The following EXD3 variants were observed in gnomAD, a reference collection of about 807,000 sequenced individuals.
EXD3 encodes exonuclease 3'-5' domain containing 3.
In EXD3, 92 loss-of-function variants were observed where a neutral mutation model predicts 98.0. The observed-to-expected ratio is 0.94, with a 90% confidence interval of 0.79 to 1.12. EXD3 has a LOEUF of 1.12. Among genes scored for constraint, EXD3 ranks in the 50% most tolerant of loss-of-function variants. The pLI, the probability that EXD3 is intolerant of heterozygous loss-of-function variation, is 0.00. For synonymous variants in EXD3, 569 were observed against 526.0 expected (o/e 1.08, Z -1.12); for missense variants, 1,222 against 1,191.6 (o/e 1.03, Z -0.38).
intron 3 of EXD3, 90 bp downstream of exon 3, chr9:137,383,223 C>A: frequency 2.7e-6 from 3 of 1,108,440 alleles, no homozygotes; most frequent in Non-Finnish European, 2.7e-6. Flanking sequence ...AGCTTCCTGA[C>A]CAGGGAGGCC....
chr9:137,353,711 C>G (rs551546450), intron 10 of EXD3: 27 of 985,440 alleles, frequency 2.7e-5, no homozygotes, highest in Non-Finnish European at 3.3e-5. Flanking sequence ...TCTCCCTCCC[C>G]GCAAGGTCCT....
chr9:137,387,245 G>A (rs1197642946), intron 2 of EXD3, among the ~76,000 whole-genome samples: 6 of 152,102 alleles, frequency 3.9e-5, no homozygotes, highest in South Asian at 2.1e-4. Context: ...GGCAGTGACC[G>A]CCTGGGTCTC....
intron 12 of EXD3, among the ~76,000 whole-genome samples, 200 bp downstream of exon 12, chr9:137,351,866 G>C (rs1228062745): frequency 6.6e-6 from 1 of 152,208 alleles, no homozygotes; most frequent in Non-Finnish European, 1.5e-5. Context: ...GGCAGCACTG[G>C]GTAAATGCCA....
intron 5 of EXD3, among the ~76,000 whole-genome samples, chr9:137,370,152 C>A (rs1835516935): frequency 6.6e-6 from 1 of 152,106 alleles, no homozygotes; most frequent in Non-Finnish European, 1.5e-5. Context: ...CAGACCCACC[C>A]CTTCCAGGAA....
chr9:137,385,976 T>C lies in EXD3; in HGVS notation c.56-2599A>G, dbSNP rs980431989. The stretch of plus-strand genomic sequence containing the variant: ...AAAGTGGTTAAAATGGTAAATTTCA[T>C]GTTATGTATATTTCACATATTTTTA... On this transcript the variant is annotated intron_variant, in intron 2 of 21. Coordinates refer to ENST00000340951, the MANE Select transcript of EXD3 (RefSeq NM_017820.5). This position sits in a 1 kb window ranked among gnomAD's most constrained non-coding sequence, Gnocchi z 4.4. 1.3e-5 allele frequency among the ~76,000 whole-genome samples: 2 copies of C among 152,126 alleles called. No homozygotes were observed. Among genetic ancestry groups the C allele is most frequent in the Admixed American group, 6.5e-5 (1 of 15,278 alleles).
intron 3 of EXD3, among the ~76,000 whole-genome samples, chr9:137,378,627 G>C (rs1836036564): frequency 6.6e-6 from 1 of 152,264 alleles, no homozygotes; most frequent in South Asian, 2.1e-4. Context: ...AGCTGTCTAT[G>C]AAGAAACAGC....
chr9:137,381,099 C>CACACACACACAT (rs1836237801), intron 3 of EXD3: 1 of 89,316 alleles, frequency 1.1e-5, no homozygotes, highest in Non-Finnish European at 2.0e-5. Context: ...GACTCTGTCT[C>CACACACACACAT]ACACACACAC....
At chr9:137,389,844 C>T (rs559736336) in intron 2 of EXD3, among the ~76,000 whole-genome samples, 2 of 152,060 alleles carry the variant, frequency 1.3e-5, no homozygotes, top group Admixed American at 6.6e-5. Context: ...GTAACAGACC[C>T]GGCACAGTGG....
intron 17 of EXD3, among the ~76,000 whole-genome samples, chr9:137,333,744 C>T (rs1833215975): frequency 1.3e-5 from 2 of 152,186 alleles, no homozygotes; most frequent in Non-Finnish European, 2.9e-5. Flanking sequence ...GAAGCAGATG[C>T]CAGTGATACG....
intron 17 of EXD3, among the ~76,000 whole-genome samples, chr9:137,328,039 CGAA>C (rs1428113641): frequency 4.0e-5 from 4 of 99,206 alleles, no homozygotes; most frequent in South Asian, 3.5e-4. Flanking sequence ...GTAAAAACAA[CGAA>C]TAAACACCCA....
chr9:137,409,082 G>A (rs1837872497), intron 1 of EXD3, among the ~76,000 whole-genome samples: 1 of 152,228 alleles, frequency 6.6e-6, no homozygotes, highest in African/African-American at 2.4e-5. Context: ...TTCAAGGTGG[G>A]GCCTTGGGAC....
chr9:137,351,363 G>A lies in EXD3; in HGVS notation c.1339C>T (p.Arg447Trp), dbSNP rs765004634. 19 of 1,611,794 alleles carry A rather than the reference G, an allele frequency of 1.2e-5. No homozygotes were observed. Among genetic ancestry groups the A allele is most frequent in the South Asian group, 9.9e-5 (9 of 90,954 alleles). ...PTGQGAQAFS[R>W]LVAQLLSDPS... ...TCCGAGAGGAGCTGGGCCACCAGCC[G>A]GGAAAAGGCCTGGGCTCCCTGCCCT... Residue 447 changes from arginine to tryptophan, a missense_variant, in exon 13 of 22, where the codon CGG (arginine) becomes TGG (tryptophan). Physicochemically the swap from Arg to Trp is moderately radical, Grantham distance 101 (BLOSUM62 -3). Transcript: ENST00000340951.
At chr9:137,421,524 A>G (rs1838512363) in intron 1 of EXD3, among the ~76,000 whole-genome samples, 1 of 152,236 alleles carries the variant, frequency 6.6e-6, no homozygotes, top group Non-Finnish European at 1.5e-5. Flanking sequence ...AATCCTGAAC[A>G]ATCTTCTGGC....
At chr9:137,339,386 G>A (rs1020397412) in intron 17 of EXD3, among the ~76,000 whole-genome samples, 4 of 151,774 alleles carry the variant, frequency 2.6e-5, no homozygotes, top group Non-Finnish European at 5.9e-5. Context: ...AGACCAGGCC[G>A]GGTGAGGTGC....
In EXD3 at chr9:137,390,201, T is replaced by C. The variant is rs1432470122; in HGVS notation, c.55+5102A>G. Among the ~76,000 whole-genome samples, 8 of 126,450 alleles carry C rather than the reference T, an allele frequency of 6.3e-5. No individual in the cohort carries two copies. In the South Asian group the frequency reaches 9.9e-4, roughly 16 times the overall value. The allele number at this position is 126,450 out of a possible 152,430, so 83.0% of individuals were successfully genotyped here. A position where few individuals can be genotyped will look rare whatever the true frequency, so the allele number is the denominator to read the frequency against. On this transcript the variant is annotated intron_variant, in intron 2 of 21. Coordinates refer to ENST00000340951, the MANE Select transcript of EXD3 (RefSeq NM_017820.5). Reference sequence around the variant, plus strand: ...ATCCCAGCACTTTGGGAGGCTGAGGTGGGCGGATCATGAGGTCAGGAGATC... The same window carrying C: ...ATCCCAGCACTTTGGGAGGCTGAGGCGGGCGGATCATGAGGTCAGGAGATC...
intron 2 of EXD3, among the ~76,000 whole-genome samples, chr9:137,387,397 G>C (rs1278383486): frequency 6.6e-6 from 1 of 152,224 alleles, no homozygotes; most frequent in Non-Finnish European, 1.5e-5. Flanking sequence ...GCCAGAGCTG[G>C]AGGGACCCAT....
chr9:137,307,067 G>T lies in EXD3; in HGVS notation c.2514C>A (p.Val838=). Residue 838 remains valine (V), a synonymous_variant, in exon 22 of 22, where the codon GTC becomes GTA. Coordinates refer to ENST00000340951, the MANE Select transcript of EXD3 (RefSeq NM_017820.5). ...CFYCCTGCGK[V]FWDGSHLGRV... ...GACCCAGGTGGGAGCCGTCCCAGAA[G>T]ACCTTTCCACAGCCCGTGCAGCAGT... The T allele has an allele frequency of 1.9e-6, 3 of 1,611,960 alleles. No homozygotes were observed. The highest frequency in any genetic ancestry group is 2.5e-6 in the Non-Finnish European group (3 of 1,179,586).
At chr9:137,373,231 G>C (rs116150455) in intron 4 of EXD3, among the ~76,000 whole-genome samples, 159 bp from the exon 5 acceptor site, 5 of 152,208 alleles carry the variant, frequency 3.3e-5, no homozygotes, top group African/African-American at 1.2e-4. Flanking sequence ...GGGCGAGGCC[G>C]GTCTCAGCAC....
At chr9:137,379,365 C>T (rs1459458236) in intron 3 of EXD3, among the ~76,000 whole-genome samples, 1 of 59,054 alleles carries the variant, frequency 1.7e-5, no homozygotes, top group Non-Finnish European at 2.7e-5. Flanking sequence ...TGACGGTGAC[C>T]GTTGCCTGGG....
Sources: allele counts gnomAD v4.1 joint callset (sites outside exome capture counted in the v4.1 genomes callset), GRCh38; gene constraint gnomAD v4.1.1; non-coding constraint Gnocchi (gnomAD v3.1); transcripts MANE v1.5; gene names NCBI Gene and HGNC (gene_info 2026-07-23, HGNC 2026-07-21).